MACROD2: variants seen among roughly 807,000 people sequenced by gnomAD.
MACROD2 encodes the protein mono-ADP ribosylhydrolase 2, also known as ADP-ribose glycohydrolase MACROD2.
A neutral mutation model predicts 70.4 loss-of-function variants in MACROD2; 36 were observed. The observed-to-expected ratio is 0.51, with a 90% CI of 0.39 to 0.68. The LOEUF is 0.68. Among genes scored for constraint, MACROD2 ranks in the 30% least tolerant of loss-of-function variants. The probability of loss-of-function intolerance (pLI) is 0.00; values close to 1 mark genes in which losing one functional copy is unlikely to be tolerated. For missense variants in MACROD2, 496 were observed against 538.4 expected (o/e 0.92, Z 0.78); for synonymous variants, 172 against 178.8 (o/e 0.96, Z 0.30).
At chr20:15,873,193 A>T (rs1313097230) in intron 9 of MACROD2, among the ~76,000 whole-genome samples, 1 of 152,206 alleles carries the variant, frequency 6.6e-6, no homozygotes, top group Non-Finnish European at 1.5e-5. Flanking sequence ...CTGTGTTTGC[A>T]GCACTGCAGT....
At chr20:14,110,583 A>G (rs557277218) in intron 3 of MACROD2, among the ~76,000 whole-genome samples, 1 of 152,154 alleles carries the variant, frequency 6.6e-6, no homozygotes, top group Non-Finnish European at 1.5e-5. Flanking sequence ...TTTATATGCC[A>G]ACAGTGAACA....
Position 15,071,365 on chromosome 20 carries a change from T to C in MACROD2, c.419-158575T>C, listed in dbSNP as rs2075618154. Among the ~76,000 whole-genome samples the C allele has an allele frequency of 2.0e-5, 3 of 152,214 alleles. No individual in the cohort carries two copies. The South Asian group carries it at 6.2e-4, about 32-fold the overall frequency. The stretch of plus-strand genomic sequence containing the variant: ...AGGATCTTGAGACATGTAATTTATC[T>C]GAATACATGTTGCTCTCATCTGTGA... On this transcript the variant is annotated intron_variant, in intron 5 of 17. Coordinates refer to ENST00000684519, the MANE Select transcript of MACROD2 (RefSeq NM_001351661.2).
At position 14,326,153 on chromosome 20, in the gene MACROD2, T is replaced by C. The variant is rs1393315241; in HGVS notation, c.272-167326T>C. The C allele has an allele frequency of 3.7e-6, 6 of 1,613,770 alleles. No individual in the cohort carries two copies. The highest frequency in any genetic ancestry group is 3.3e-5 in the Admixed American group (2 of 59,956). ...TCCCCTGTTACAATTGTTTCTGTTATAGATCCAAATGCCGGGCTATGGCCC... is the reference window on the plus strand; with the variant it reads ...TCCCCTGTTACAATTGTTTCTGTTACAGATCCAAATGCCGGGCTATGGCCC... On this transcript the variant is annotated intron_variant, in intron 3 of 17. Transcript: ENST00000684519. This position sits in a 1 kb window ranked among gnomAD's most constrained non-coding sequence, Gnocchi z 5.5.
intron 5 of MACROD2, among the ~76,000 whole-genome samples, chr20:14,755,534 T>G (rs956873204): frequency 1.3e-5 from 2 of 152,108 alleles, no homozygotes; most frequent in Admixed American, 1.3e-4. Flanking sequence ...TCTAGTAAAT[T>G]CATTGACTAT....
chr20:14,141,192 A>G (rs1445929069), intron 3 of MACROD2, among the ~76,000 whole-genome samples: 1 of 152,142 alleles, frequency 6.6e-6, no homozygotes, highest in African/African-American at 2.4e-5. Flanking sequence ...ATAGGCCAAG[A>G]CACCTTAATT....
At chr20:15,707,443 TC>T (rs1007616787) in intron 8 of MACROD2, among the ~76,000 whole-genome samples, 1 of 152,184 alleles carries the variant, frequency 6.6e-6, no homozygotes, top group African/African-American at 2.4e-5. Flanking sequence ...AATAAGACTG[TC>T]CATGCCCCCA....
intron 9 of MACROD2, among the ~76,000 whole-genome samples, chr20:15,863,879 G>A (rs1231574212): frequency 6.6e-6 from 1 of 152,150 alleles, no homozygotes; most frequent in African/African-American, 2.4e-5. Flanking sequence ...GCCCTAAATG[G>A]ACTAAGTTCT....
At chr20:14,312,138 CAG>C (rs754629156) in intron 3 of MACROD2, among the ~76,000 whole-genome samples, 6 of 152,240 alleles carry the variant, frequency 3.9e-5, no homozygotes, top group Admixed American at 6.5e-5. Flanking sequence ...TCAACTGACT[CAG>C]GGATTCTTAG....
intron 5 of MACROD2, among the ~76,000 whole-genome samples, chr20:14,831,129 G>C (rs868091705): frequency 1.3e-5 from 2 of 152,010 alleles, no homozygotes; most frequent in African/African-American, 4.8e-5. Context: ...CCACTGGGAG[G>C]AACTGGCCAC....
At chr20:15,618,095 CT>C (rs398035424) in intron 8 of MACROD2, among the ~76,000 whole-genome samples, 1,347 of 70,820 alleles carry the variant, frequency 0.019, 19 homozygotes, top group African/African-American at 0.072. Flanking sequence ...CATCATTAGT[CT>C]TTTTTTTTTT....
chr20:15,201,588 G>C (rs1254864411), intron 5 of MACROD2, among the ~76,000 whole-genome samples: 1 of 152,182 alleles, frequency 6.6e-6, no homozygotes, highest in East Asian at 1.9e-4. Flanking sequence ...GAAAGAAATT[G>C]AGATGGATAG....
intron 3 of MACROD2, among the ~76,000 whole-genome samples, chr20:14,423,085 A>G (rs1020701320): frequency 6.6e-6 from 1 of 152,222 alleles, no homozygotes; most frequent in Non-Finnish European, 1.5e-5. Context: ...GAGCAAATGT[A>G]CAAATAATTT....
At chr20:15,949,981 A>C (rs1358460221) in intron 12 of MACROD2, among the ~76,000 whole-genome samples, 2 of 152,180 alleles carry the variant, frequency 1.3e-5, no homozygotes, top group Non-Finnish European at 2.9e-5. Context: ...TTTGACTCCC[A>C]AAAGTGTACT....
At chr20:14,039,573 A>G (rs1177510300) in intron 2 of MACROD2, among the ~76,000 whole-genome samples, 3 of 152,162 alleles carry the variant, frequency 2.0e-5, no homozygotes, top group African/African-American at 7.2e-5. Flanking sequence ...CAGTTTACAA[A>G]TGTTCATTAT....
At chr20:13,997,367 A>G (rs1414763309) in intron 1 of MACROD2, among the ~76,000 whole-genome samples, 5 of 152,184 alleles carry the variant, frequency 3.3e-5, no homozygotes, top group Admixed American at 3.3e-4. Context: ...CTGAAAAATC[A>G]TTTATGCCCA....
chr20:15,559,287 G>A (rs1315810967), intron 8 of MACROD2, among the ~76,000 whole-genome samples: 7 of 150,022 alleles, frequency 4.7e-5, no homozygotes, highest in Non-Finnish European at 1.0e-4. Context: ...TGTGGATGAA[G>A]GTAAGAGCCT....
chr20:15,616,799 A>G (rs1452871068), intron 8 of MACROD2, among the ~76,000 whole-genome samples: 1 of 152,170 alleles, frequency 6.6e-6, no homozygotes, highest in East Asian at 1.9e-4. Flanking sequence ...GTCACTGAAA[A>G]TCCTGAAATT....
intron 7 of MACROD2, among the ~76,000 whole-genome samples, chr20:15,453,354 C>A (rs914269457): frequency 6.6e-6 from 1 of 152,078 alleles, no homozygotes; most frequent in African/African-American, 2.4e-5. Flanking sequence ...CCTCCAACCT[C>A]CTATTCAGAT....
At chr20:14,406,479 C>G (rs1482809357) in intron 3 of MACROD2, among the ~76,000 whole-genome samples, 1 of 152,082 alleles carries the variant, frequency 6.6e-6, no homozygotes, top group African/African-American at 2.4e-5. Flanking sequence ...AGAACTAGAA[C>G]AGTGCTAGAT....
Sources: gnomAD v4.1 joint callset for allele counts (sites outside exome capture counted in the v4.1 genomes callset) on GRCh38, gnomAD v4.1.1 for gene constraint, Gnocchi (gnomAD v3.1) non-coding constraint, MANE v1.5 for transcripts, NCBI Gene and HGNC (gene_info 2026-07-23, HGNC 2026-07-21) for gene names.